Variants in NRXN3 observed in about 807,000 individuals in gnomAD.
NRXN3 encodes the protein neurexin 3.
NRXN3 carries 32 observed loss-of-function variants against 137.6 expected under a neutral mutation model. The ratio of observed to expected loss-of-function variants is 0.23; its 90% confidence interval spans 0.18 to 0.31. NRXN3 has a LOEUF of 0.31. NRXN3 is among the 10% of genes least tolerant of loss of function. The pLI, the probability that NRXN3 is intolerant of heterozygous loss-of-function variation, is 1.00. For missense variants in NRXN3, 1,574 were observed against 2,062.5 expected (o/e 0.76, Z 4.59); for synonymous variants, 798 against 784.5 (o/e 1.02, Z -0.29).
chr14:78,238,139 G>GCCC (rs111555461), intron 1 of NRXN3, among the ~76,000 whole-genome samples: 10 of 145,578 alleles, frequency 6.9e-5, no homozygotes, highest in African/African-American at 1.5e-4. Context: ...AGTTGTGTGA[G>GCCC]CCCCCCCCAC....
At chr14:79,594,513 G>T (rs1209191011) in intron 16 of NRXN3, among the ~76,000 whole-genome samples, 1 of 152,128 alleles carries the variant, frequency 6.6e-6, no homozygotes, top group Non-Finnish European at 1.5e-5. Flanking sequence ...GGTCCATGAA[G>T]TAAGTTATGA....
At chr14:78,807,416 G>A (rs955827299) in intron 9 of NRXN3, among the ~76,000 whole-genome samples, 6 of 152,072 alleles carry the variant, frequency 3.9e-5, no homozygotes, top group South Asian at 2.1e-4. Context: ...TTCCATGCTC[G>A]ACCCAAAGCT....
intron 9 of NRXN3, among the ~76,000 whole-genome samples, 179 bp from the exon 10 acceptor site, chr14:78,810,139 T>C (rs761465501): frequency 2.0e-5 from 3 of 151,996 alleles, no homozygotes; most frequent in Non-Finnish European, 4.4e-5. Context: ...CCAACTTTAC[T>C]AAATAATATA....
At chr14:78,291,091 A>G (rs952779250) in intron 3 of NRXN3, among the ~76,000 whole-genome samples, 1 of 152,218 alleles carries the variant, frequency 6.6e-6, no homozygotes, top group East Asian at 1.9e-4. Flanking sequence ...ATGTCTAGGC[A>G]TGATTTTCTG....
intron 4 of NRXN3, among the ~76,000 whole-genome samples, chr14:78,465,823 G>A (rs745461225): frequency 6.2e-5 from 9 of 146,008 alleles, no homozygotes; most frequent in South Asian, 2.2e-4. Flanking sequence ...GTGAGCCACC[G>A]CGCCCGGCCT....
intron 10 of NRXN3, among the ~76,000 whole-genome samples, chr14:78,922,181 A>T (rs1256189380): frequency 5.3e-5 from 8 of 152,162 alleles, no homozygotes. Context: ...TTATCGTCCT[A>T]TATGGATATT....
At chr14:79,331,888 T>G (rs1168738356) in intron 15 of NRXN3, among the ~76,000 whole-genome samples, 2 of 151,546 alleles carry the variant, frequency 1.3e-5, no homozygotes, top group African/African-American at 2.4e-5. Flanking sequence ...ACTACACACT[T>G]TAGTTGTTTA....
chr14:78,415,305 A>G (rs575776229), intron 4 of NRXN3, among the ~76,000 whole-genome samples: 1 of 152,338 alleles, frequency 6.6e-6, no homozygotes, highest in Admixed American at 6.5e-5. Context: ...ATATTCATGA[A>G]GAAGTTTCAG....
At chr14:78,516,165 A>G (rs2096203386) in intron 4 of NRXN3, among the ~76,000 whole-genome samples, 1 of 151,972 alleles carries the variant, frequency 6.6e-6, no homozygotes, top group Admixed American at 6.6e-5. Flanking sequence ...TGGCTTCCAG[A>G]TAAAAGTGAG....
At chr14:78,498,832 C>T (rs1175009978) in intron 4 of NRXN3, among the ~76,000 whole-genome samples, 1 of 151,672 alleles carries the variant, frequency 6.6e-6, no homozygotes, top group Non-Finnish European at 1.5e-5. Flanking sequence ...CACTATATCA[C>T]CCAGGCTCAC....
chr14:78,626,128 G>T (rs889082166), intron 4 of NRXN3, among the ~76,000 whole-genome samples: 3 of 152,198 alleles, frequency 2.0e-5, no homozygotes, highest in Non-Finnish European at 4.4e-5. Context: ...CAAGGCACTT[G>T]CAGCATCCAA....
At chr14:79,727,160 A>G (rs1418387786) in intron 19 of NRXN3, among the ~76,000 whole-genome samples, 1 of 152,214 alleles carries the variant, frequency 6.6e-6, no homozygotes, top group Non-Finnish European at 1.5e-5. Context: ...TTATTGCCTA[A>G]AATATATTTC....
At chr14:79,782,700 A>C (rs891007632) in intron 19 of NRXN3, among the ~76,000 whole-genome samples, 2 of 152,192 alleles carry the variant, frequency 1.3e-5, no homozygotes, top group South Asian at 2.1e-4. Context: ...GCTGCCTAGG[A>C]GTGCTAAAGA....
chr14:79,282,987 C>A (rs1204267496), intron 15 of NRXN3, among the ~76,000 whole-genome samples: 1 of 152,170 alleles, frequency 6.6e-6, no homozygotes, highest in African/African-American at 2.4e-5. Context: ...TGACCCTTTG[C>A]GTCTCTAACT....
intron 15 of NRXN3, among the ~76,000 whole-genome samples, chr14:78,990,712 CTG>C (rs1257935680): frequency 1.3e-5 from 2 of 152,106 alleles, no homozygotes; most frequent in African/African-American, 2.4e-5. Context: ...TAGGATGTGA[CTG>C]TGAAGTTTGA....
intron 8 of NRXN3, among the ~76,000 whole-genome samples, chr14:78,781,893 G>A (rs1160862460): frequency 1.3e-5 from 2 of 152,082 alleles, no homozygotes; most frequent in African/African-American, 4.8e-5. Context: ...CTTCTCACAC[G>A]AAGAGAAAAG....
chr14:79,215,215 C>G (rs944736981), intron 15 of NRXN3, among the ~76,000 whole-genome samples: 1 of 152,138 alleles, frequency 6.6e-6, no homozygotes, highest in Admixed American at 6.6e-5. Context: ...TATAACTTTC[C>G]TGGAGCTGTG....
At chr14:79,343,110 G>A (rs1190762651) in intron 15 of NRXN3, among the ~76,000 whole-genome samples, 1 of 152,086 alleles carries the variant, frequency 6.6e-6, no homozygotes, top group East Asian at 1.9e-4. Flanking sequence ...GATCCATCCT[G>A]TGCAAGGTCT....
At chr14:78,954,189 G>A (rs753971540) in intron 10 of NRXN3, among the ~76,000 whole-genome samples, 7 of 152,172 alleles carry the variant, frequency 4.6e-5, no homozygotes, top group East Asian at 3.9e-4. Context: ...TTGATTTCCC[G>A]CTGAGTGTAA....
Sources: allele counts gnomAD v4.1 joint callset (sites outside exome capture counted in the v4.1 genomes callset), GRCh38; gene constraint gnomAD v4.1.1; transcripts MANE v1.5; gene names NCBI Gene and HGNC (gene_info 2026-07-23, HGNC 2026-07-21).